GASK1B: variants seen among roughly 807,000 people sequenced by gnomAD.
GASK1B encodes golgi associated kinase 1B, also known as Golgi-associated kinase 1B.
Under a neutral mutation model 42.8 loss-of-function variants are expected in GASK1B, and 34 were observed. The ratio of observed to expected loss-of-function variants is 0.79; its 90% CI spans 0.60 to 1.06. The LOEUF is 1.06. Among genes scored for constraint, GASK1B ranks in the 50% least tolerant of loss-of-function variants. The pLI is 0.00. For missense variants in GASK1B, 686 were observed against 661.0 expected (o/e 1.04, Z -0.42); for synonymous variants, 262 against 259.1 (o/e 1.01, Z -0.11).
intron 3 of GASK1B, among the ~76,000 whole-genome samples, chr4:158,142,067 C>T (rs1303393713): frequency 2.0e-5 from 3 of 149,054 alleles, no homozygotes; most frequent in Non-Finnish European, 3.0e-5. Context: ...GCCTCAGCCT[C>T]CCGAGTAGCT....
At chr4:158,142,340 C>T (rs1322782351) in intron 3 of GASK1B, among the ~76,000 whole-genome samples, 8 of 152,190 alleles carry the variant, frequency 5.3e-5, no homozygotes, top group Non-Finnish European at 1.5e-5. Flanking sequence ...CCACTAAAGG[C>T]AGTGGTGACC....
intron 3 of GASK1B, among the ~76,000 whole-genome samples, chr4:158,146,887 G>A (rs1006236951): frequency 3.9e-5 from 6 of 152,108 alleles, no homozygotes; most frequent in Admixed American, 2.0e-4. Flanking sequence ...ATACCCCCAC[G>A]TTTCAAGAAT....
intron 3 of GASK1B, among the ~76,000 whole-genome samples, chr4:158,138,871 T>A (rs1052837222): frequency 7.2e-5 from 11 of 152,216 alleles, no homozygotes; most frequent in African/African-American, 4.8e-5. Context: ...TTTGCTTTTA[T>A]GAGTTAAACT....
At position 158,131,013 on chromosome 4, in the gene GASK1B, C is replaced by G. The variant is rs1476556373; in HGVS notation, c.1126-1G>C. 1 of 1,609,538 alleles carries G rather than the reference C, an allele frequency of 6.2e-7. No homozygotes were observed. Among genetic ancestry groups the G allele is most frequent in the African/African-American group, 1.3e-5 (1 of 74,722 alleles). On this transcript the variant is annotated splice_acceptor_variant, in intron 3 of 4. Transcript: ENST00000585682. LOFTEE classifies it high-confidence loss of function. ...AATTTGTATCTAAGCGATTATAAATCTGTAAATGGAAAACACAAAATCCAA... is the reference window on the plus strand; with the variant it reads ...AATTTGTATCTAAGCGATTATAAATGTGTAAATGGAAAACACAAAATCCAA...
In GASK1B at chr4:158,127,458, A is replaced by C; in HGVS notation, c.1509T>G (p.Leu503=). ...CCCCGTGTGCATTGATATAGGTGATAAGAATTTTGGCTCTGTGTTCTATTA... is the reference window on the plus strand; with the variant it reads ...CCCCGTGTGCATTGATATAGGTGATCAGAATTTTGGCTCTGTGTTCTATTA... ...IDVIEHRAKI[L]ITYINAHGVK... The change falls in exon 5 of 5, where the codon CTT becomes CTG. Residue 503 remains leucine, a synonymous_variant. Transcript: ENST00000585682. The C allele has an allele frequency of 6.2e-7, 1 of 1,613,790 alleles. No homozygotes were observed. Among genetic ancestry groups the C allele is most frequent in the South Asian group, 1.1e-5 (1 of 91,070 alleles).
intron 2 of GASK1B, among the ~76,000 whole-genome samples, chr4:158,157,715 G>A (rs887838116): frequency 3.3e-5 from 5 of 152,036 alleles, no homozygotes; most frequent in South Asian, 2.1e-4. Context: ...ATCAACACGC[G>A]GGTCAGAAGG....
At chr4:158,137,912 A>T (rs1169909462) in intron 3 of GASK1B, among the ~76,000 whole-genome samples, 1 of 152,222 alleles carries the variant, frequency 6.6e-6, no homozygotes, top group African/African-American at 2.4e-5. Context: ...AAATCTAAAA[A>T]TGGGCATAGG....
rs1731330059 is a variant in GASK1B at position 158,146,348 on chromosome 4, T to C, written c.1125+9263A>G. ...AGTACGAAAGTCCAAATGAAATTAT[T>C]TGGGAGTGGCTTATAATTTAATAAA... On this transcript the variant is annotated intron_variant, in intron 3 of 4. Coordinates refer to ENST00000585682, the MANE Select transcript of GASK1B (RefSeq NM_001128424.2). 1.3e-5 allele frequency among the ~76,000 whole-genome samples: 2 copies of C among 152,222 alleles called. 1 individual carries two copies. Among genetic ancestry groups the C allele is most frequent in the Middle Eastern group, 6.8e-3 (2 of 294 alleles).
Position 158,127,378 on chromosome 4 carries a change from T to C in GASK1B, c.*29A>G. 6.3e-7 allele frequency: 1 copy of C among 1,592,316 alleles called. No homozygotes were observed. The highest frequency in any genetic ancestry group is 1.3e-5 in the African/African-American group (1 of 74,170). ...ACAAAACCAAAAATGCATAAATATA[T>C]CTAACACCCTAGCCAGAAGATTCTT... On this transcript the variant is annotated 3_prime_UTR_variant, in exon 5 of 5. Transcript: ENST00000585682.
At chr4:158,161,334 G>A (rs770183562) in intron 2 of GASK1B, among the ~76,000 whole-genome samples, 10 of 151,996 alleles carry the variant, frequency 6.6e-5, no homozygotes, top group South Asian at 2.1e-4. Context: ...AGGTCTCTGC[G>A]TGATTCCAAA....
intron 3 of GASK1B, among the ~76,000 whole-genome samples, chr4:158,153,119 A>T (rs1731620165): frequency 6.6e-6 from 1 of 152,116 alleles, no homozygotes; most frequent in South Asian, 2.1e-4. Flanking sequence ...CCTCCAAAAA[A>T]CTTCTAGAAC....
intron 3 of GASK1B, among the ~76,000 whole-genome samples, chr4:158,147,923 A>C (rs1731393738): frequency 6.6e-6 from 1 of 152,346 alleles, no homozygotes; most frequent in Non-Finnish European, 1.5e-5. Context: ...TAATCAATAA[A>C]TATTTGAAAA....
At position 158,171,505 on chromosome 4, in the gene GASK1B, G is replaced by A. The variant is rs1732538699; in HGVS notation, c.-130C>T. The A allele has an allele frequency of 2.1e-6, 2 of 973,366 alleles. No individual in the cohort carries two copies. Among genetic ancestry groups the A allele is most frequent in the African/African-American group, 1.6e-5 (1 of 61,206 alleles). 60.3% of individuals were successfully genotyped at this position (973,366 alleles called of 1,614,324 possible). On this transcript the variant is annotated 5_prime_UTR_variant, in exon 2 of 5. Coordinates refer to ENST00000585682, the MANE Select transcript of GASK1B (RefSeq NM_001128424.2). ...TATAAGTGGTCTCCAGTGGGCAGAG[G>A]TGGAAGGAAAGGGTTGGTGATGAAG... is the stretch of plus-strand genomic sequence containing the variant.
chr4:158,150,970 G>A (rs1348896043), intron 3 of GASK1B, among the ~76,000 whole-genome samples: 1 of 152,092 alleles, frequency 6.6e-6, no homozygotes, highest in East Asian at 1.9e-4. Context: ...CTACATTTTT[G>A]TCCCTCTGCA....
chr4:158,127,392 C>A lies in GASK1B; in HGVS notation c.*15G>T. On this transcript the variant is annotated 3_prime_UTR_variant, in exon 5 of 5. Coordinates refer to ENST00000585682, the MANE Select transcript of GASK1B (RefSeq NM_001128424.2). ...GCATAAATATATCTAACACCCTAGC[C>A]AGAAGATTCTTTTGTCATTCATTCA... 2 of 1,606,974 alleles carry A rather than the reference C, an allele frequency of 1.2e-6. No homozygotes were observed. The highest frequency in any genetic ancestry group is 2.2e-5 in the East Asian group (1 of 44,816).
At chr4:158,161,116 A>G (rs1038499270) in intron 2 of GASK1B, among the ~76,000 whole-genome samples, 6 of 152,138 alleles carry the variant, frequency 3.9e-5, no homozygotes, top group African/African-American at 1.4e-4. Context: ...TTTCACCCAA[A>G]AAAAATCATC....
In GASK1B at chr4:158,171,466, C is replaced by CTT; in HGVS notation, c.-92_-91insAA. ...CATGGTTTCCTGACTTCAGCTGCCG[C>CTT]GTCCGCTTCGGGATATAAGTGGTCT... On this transcript the variant is annotated 5_prime_UTR_variant, in exon 2 of 5. Transcript: ENST00000585682. The CTT allele has an allele frequency of 2.1e-6, 3 of 1,398,902 alleles. No homozygotes were observed. The highest frequency in any genetic ancestry group is 2.8e-6 in the Non-Finnish European group (3 of 1,058,524). The allele number at this position is 1,398,902 out of a possible 1,614,324, so 86.7% of individuals were successfully genotyped here. A position where few individuals can be genotyped will look rare whatever the true frequency, so the allele number is the denominator to read the frequency against.
intron 2 of GASK1B, chr4:158,169,418 A>G (rs1732365595): frequency 6.6e-6 from 1 of 152,224 alleles, no homozygotes; most frequent in African/African-American, 2.4e-5. Context: ...CCATTTTAAA[A>G]TGAAATTATA....
At chr4:158,142,588 T>C (rs1297546145) in intron 3 of GASK1B, among the ~76,000 whole-genome samples, 1 of 152,204 alleles carries the variant, frequency 6.6e-6, no homozygotes, top group Non-Finnish European at 1.5e-5. Flanking sequence ...GAAGAATCAA[T>C]GATATAATTA....
Sources: allele counts gnomAD v4.1 joint callset (sites outside exome capture counted in the v4.1 genomes callset), GRCh38; gene constraint gnomAD v4.1.1; transcripts MANE v1.5; gene names NCBI Gene and HGNC (gene_info 2026-07-23, HGNC 2026-07-21).